The following ZBTB16 variants were observed in gnomAD, a reference collection of about 807,000 sequenced individuals.
ZBTB16 encodes zinc finger and BTB domain containing 16.
A neutral mutation model predicts 56.8 loss-of-function variants in ZBTB16; 8 were observed. The observed-to-expected ratio is 0.14, with a 90% CI of 0.08 to 0.25. The LOEUF (loss-of-function observed/expected upper bound fraction) is 0.25, where lower values mean the gene tolerates loss of function less well. Among genes scored for constraint, ZBTB16 ranks in the 10% least tolerant of loss-of-function variants. The pLI, the probability that ZBTB16 is intolerant of heterozygous loss-of-function variation, is 1.00. For missense variants in ZBTB16, 625 were observed against 903.0 expected (o/e 0.69, Z 3.95); for synonymous variants, 363 against 368.5 (o/e 0.98, Z 0.17).
chr11:114,066,117 C>T (rs1481845252), intron 2 of ZBTB16, among the ~76,000 whole-genome samples: 1 of 152,206 alleles, frequency 6.6e-6, no homozygotes, highest in Non-Finnish European at 1.5e-5. Flanking sequence ...TGGGTGGATT[C>T]TCCACTTCCT....
rs1945020960 is a variant in ZBTB16 at position 114,256,600 on chromosome 11, A to G, written c.*6045A>G. ...CTAAGCAAGCTTCAGAAATTTCTCAACAAGAAGCTTCCACACAATCAAAGG... is the reference window on the plus strand; with the variant it reads ...CTAAGCAAGCTTCAGAAATTTCTCAGCAAGAAGCTTCCACACAATCAAAGG... On this transcript the variant is annotated 3_prime_UTR_variant, in exon 7 of 7. Coordinates refer to ENST00000335953, the MANE Select transcript of ZBTB16 (RefSeq NM_006006.6). 6.6e-6 allele frequency among the ~76,000 whole-genome samples: 1 copy of G among 152,184 alleles called. No individual in the cohort carries two copies. Among genetic ancestry groups the G allele is most frequent in the Non-Finnish European group, 1.5e-5 (1 of 68,018 alleles).
chr11:114,151,979 C>G (rs1025186543), intron 2 of ZBTB16, among the ~76,000 whole-genome samples: 1 of 152,124 alleles, frequency 6.6e-6, no homozygotes. Flanking sequence ...AAAGGCTTAC[C>G]CTGAAGATGA....
At chr11:114,136,714 T>G (rs1015389373) in intron 2 of ZBTB16, among the ~76,000 whole-genome samples, 6 of 152,076 alleles carry the variant, frequency 3.9e-5, no homozygotes, top group East Asian at 1.9e-4. Context: ...TGGGTTTTTT[T>G]GGGGGGAGGT....
At chr11:114,145,190 T>C (rs1942067818) in intron 2 of ZBTB16, among the ~76,000 whole-genome samples, 1 of 152,230 alleles carries the variant, frequency 6.6e-6, no homozygotes. Context: ...ATTGAGAAAT[T>C]GGAAACCTCA....
intron 4 of ZBTB16, among the ~76,000 whole-genome samples, chr11:114,189,929 T>C (rs1591765283): frequency 1.3e-5 from 2 of 152,190 alleles, no homozygotes; most frequent in East Asian, 3.8e-4. Context: ...AACAACCCAA[T>C]GTCTATCAAC....
intron 2 of ZBTB16, among the ~76,000 whole-genome samples, chr11:114,070,603 C>G (rs1220443063): frequency 6.6e-6 from 1 of 152,208 alleles, no homozygotes; most frequent in East Asian, 1.9e-4. Context: ...AATTCACAGT[C>G]CTGGGCGCTC....
intron 2 of ZBTB16, among the ~76,000 whole-genome samples, chr11:114,148,801 T>C (rs1427352474): frequency 1.3e-5 from 2 of 151,858 alleles, no homozygotes; most frequent in Non-Finnish European, 2.9e-5. Flanking sequence ...CTGCCTGGCT[T>C]TCTTTCTAAG....
intron 2 of ZBTB16, among the ~76,000 whole-genome samples, chr11:114,142,530 A>G (rs185806569): frequency 1.2e-4 from 18 of 152,364 alleles, no homozygotes; most frequent in Non-Finnish European, 1.5e-5. Flanking sequence ...CGCTGTTGAC[A>G]TAAATTTGGA....
chr11:114,246,060 C>T (rs1474032749), intron 5 of ZBTB16, among the ~76,000 whole-genome samples: 1 of 152,180 alleles, frequency 6.6e-6, no homozygotes, highest in Non-Finnish European at 1.5e-5. Context: ...TTATTCTCCA[C>T]ACCCCAACCT....
At position 114,250,587 on chromosome 11, in the gene ZBTB16, G is replaced by T. The variant is rs111960851; in HGVS notation, c.*32G>T. On this transcript the variant is annotated 3_prime_UTR_variant, in exon 7 of 7. Coordinates refer to ENST00000335953, the MANE Select transcript of ZBTB16 (RefSeq NM_006006.6). The surrounding 1 kb of genome is among the most constrained non-coding windows in gnomAD (Gnocchi z 6.0). ...GCCCGCGGCGGTGGAGCCGAGCGGG[G>T]AGCCAGGAAAGAAGAGTTGGAGTGA... The T allele has an allele frequency of 2.2e-5, 35 of 1,608,244 alleles. 1 individual carries two copies. The highest frequency in any genetic ancestry group is 1.5e-4 in the African/African-American group (11 of 74,836).
chr11:114,240,665 A>G (rs575220478), intron 4 of ZBTB16, among the ~76,000 whole-genome samples: 13 of 152,224 alleles, frequency 8.5e-5, no homozygotes, highest in African/African-American at 3.1e-4. Flanking sequence ...GCCAGTTAGG[A>G]CTCAGACACA....
chr11:114,250,366 C>G lies in ZBTB16; in HGVS notation c.1833C>G (p.Ser611=), dbSNP rs532283203. The part of the protein sequence containing the change: ...PFECKLCHQR[S]RDYSAMIKHL... ...AGTGTAAGCTCTGCCACCAGCGCTC[C>G]CGGGACTACTCGGCCATGATCAAGC... Residue 611 remains serine, a synonymous_variant, in exon 7 of 7, where the codon TCC becomes TCG. Transcript: ENST00000335953. This position sits in a 1 kb window ranked among gnomAD's most constrained non-coding sequence, Gnocchi z 6.0. 9.9e-6 allele frequency: 16 copies of G among 1,613,870 alleles called. No homozygotes were observed. Among genetic ancestry groups the G allele is most frequent in the Non-Finnish European group, 1.3e-5 (15 of 1,180,044 alleles).
chr11:114,241,245 A>G, intron 4 of ZBTB16, among the ~76,000 whole-genome samples: 1 of 151,856 alleles, frequency 6.6e-6, no homozygotes, highest in East Asian at 1.9e-4. Context: ...AAAAAAAAAA[A>G]CAAAACAGGA....
intron 2 of ZBTB16, among the ~76,000 whole-genome samples, chr11:114,137,546 T>C (rs911056523): frequency 3.3e-5 from 5 of 152,128 alleles, no homozygotes; most frequent in African/African-American, 1.2e-4. Flanking sequence ...TGACTAGACT[T>C]GAGGAGTTCC....
intron 4 of ZBTB16, among the ~76,000 whole-genome samples, chr11:114,220,544 G>C (rs1056380111): frequency 6.6e-6 from 1 of 152,188 alleles, no homozygotes; most frequent in Non-Finnish European, 1.5e-5. Context: ...GGAAGTACTG[G>C]AGTCATTTGA....
intron 2 of ZBTB16, among the ~76,000 whole-genome samples, chr11:114,090,335 G>T (rs1940139518): frequency 6.6e-6 from 1 of 152,190 alleles, no homozygotes; most frequent in South Asian, 2.1e-4. Flanking sequence ...TATTCCCAGG[G>T]CTGTAACGTG....
At chr11:114,216,424 A>G (rs1944098355) in intron 4 of ZBTB16, among the ~76,000 whole-genome samples, 2 of 152,184 alleles carry the variant, frequency 1.3e-5, no homozygotes, top group South Asian at 4.1e-4. Flanking sequence ...GTTCCAGTCA[A>G]CAGGGCTCTG....
intron 4 of ZBTB16, among the ~76,000 whole-genome samples, chr11:114,212,852 A>G (rs1331322891): frequency 6.6e-6 from 1 of 151,950 alleles, no homozygotes; most frequent in Non-Finnish European, 1.5e-5. Context: ...CGTGTGCCGG[A>G]GGAATTGCTG....
intron 3 of ZBTB16, chr11:114,180,834 A>G (rs926127092): frequency 1.4e-4 from 21 of 152,274 alleles, no homozygotes; most frequent in African/African-American, 4.3e-4. Context: ...ACAGGTGGGA[A>G]CCTGCTCTCA....
Sources: gnomAD v4.1 joint callset for allele counts (sites outside exome capture counted in the v4.1 genomes callset) on GRCh38, gnomAD v4.1.1 for gene constraint, Gnocchi (gnomAD v3.1) non-coding constraint, MANE v1.5 for transcripts, NCBI Gene and HGNC (gene_info 2026-07-23, HGNC 2026-07-21) for gene names.